Variants in TDRD1 observed in about 807,000 individuals in gnomAD.
The protein encoded by TDRD1 is tudor domain containing 1, also known as tudor domain-containing protein 1.
Under a neutral mutation model 140.6 loss-of-function variants are expected in TDRD1, and 37 were observed. That is an observed-to-expected ratio of 0.26 (90% CI 0.20 to 0.35). The LOEUF (loss-of-function observed/expected upper bound fraction) is 0.35. Among genes scored for constraint, TDRD1 ranks in the 10% least tolerant of loss-of-function variants. TDRD1 has a pLI of 1.00. For synonymous variants in TDRD1, 506 were observed against 475.7 expected, an observed-to-expected ratio of 1.06 and a Z score of -0.83; for missense variants, 1,243 against 1,393.0, an observed-to-expected ratio of 0.89 and a Z score of 1.71.
At chr10:114,203,928 C>A in intron 8 of TDRD1, 145 bp from the exon 9 acceptor site, 1 of 946,268 alleles carries the variant, frequency 1.1e-6, no homozygotes, top group Non-Finnish European at 1.6e-6. Context: ...TAGCAAGATT[C>A]TTAAAAAATT....
At chr10:114,206,417 G>A in intron 11 of TDRD1, 87 bp downstream of exon 11, 1 of 930,962 alleles carries the variant, frequency 1.1e-6, no homozygotes, top group Middle Eastern at 2.2e-4. Context: ...CTTTAGCACT[G>A]TTAAGACTTG....
At chr10:114,176,714 C>T (rs1167894291), upstream of TDRD1, among the ~76,000 whole-genome samples, 2 of 152,138 alleles carry the variant, frequency 1.3e-5, no homozygotes, top group Non-Finnish European at 2.9e-5. This position sits in a 1 kb window ranked among gnomAD's most constrained non-coding sequence, Gnocchi z 4.2. Flanking sequence ...TTCAGGACTG[C>T]AGTGAACTAT....
upstream of TDRD1, among the ~76,000 whole-genome samples, chr10:114,177,498 G>A (rs2032720236): frequency 6.6e-6 from 1 of 152,090 alleles, no homozygotes; most frequent in African/African-American, 2.4e-5. Context: ...CAAAAGTAGG[G>A]CATCCTACAA....
chr10:114,204,723 C>T (rs1363313253), exon 10 of TDRD1: 1 of 1,576,334 alleles, frequency 6.3e-7, no homozygotes, highest in Non-Finnish European at 8.6e-7. Flanking sequence ...ATTTTTCAGG[C>T]CATAAAGTGC....
intron 3 of TDRD1, among the ~76,000 whole-genome samples, chr10:114,198,568 T>C (rs1272274032): frequency 6.6e-6 from 1 of 152,146 alleles, no homozygotes; most frequent in Non-Finnish European, 1.5e-5. Flanking sequence ...GTGTTTGGAG[T>C]AGAGCAGTTA....
At chr10:114,186,206 T>G (rs1409222184) in intron 1 of TDRD1, among the ~76,000 whole-genome samples, 2 of 152,242 alleles carry the variant, frequency 1.3e-5, no homozygotes, top group Non-Finnish European at 2.9e-5. Flanking sequence ...TTCTTTGTAT[T>G]TCTTATACAG....
exon 26 of TDRD1, chr10:114,231,595 G>C: frequency 1.6e-6 from 2 of 1,227,852 alleles, no homozygotes; most frequent in Non-Finnish European, 2.3e-6. Flanking sequence ...CCTTTTCTTT[G>C]TCCACTTTCT....
chr10:114,228,669 A>G (rs1401349069), intron 25 of TDRD1: 2 of 985,456 alleles, frequency 2.0e-6, no homozygotes, highest in Non-Finnish European at 2.4e-6. Flanking sequence ...GTGTCTAAAG[A>G]ACATACTGGT....
rs188251374 is a variant in TDRD1 at position 114,191,171 on chromosome 10, G to A, written c.384+152G>A. The A allele has an allele frequency of 6.4e-4, 512 of 804,808 alleles. 5 individuals carry two copies. The African/African-American group carries it at 7.9e-3, about 12-fold the overall frequency. 49.9% of individuals were successfully genotyped at this position (804,808 alleles called of 1,614,324 possible). On this transcript the variant is annotated intron_variant, in intron 3 of 25. Transcript: ENST00000251864. ...TTTTTAAAAAAAGAAAACTTTCTTAGGTTATTGTAGATTCACATGCAGTTG... is the reference window on the plus strand; with the variant it reads ...TTTTTAAAAAAAGAAAACTTTCTTAAGTTATTGTAGATTCACATGCAGTTG...
intron 16 of TDRD1, 74 bp downstream of exon 16, chr10:114,214,188 A>T: frequency 1.5e-6 from 2 of 1,342,118 alleles, no homozygotes; most frequent in Non-Finnish European, 1.0e-6. Context: ...TGAGTTTGTT[A>T]CTAAGTGATA....
At chr10:114,188,304 G>A in intron 2 of TDRD1, 148 bp downstream of exon 2, 3 of 726,832 alleles carry the variant, frequency 4.1e-6, no homozygotes, top group Non-Finnish European at 6.3e-6. Context: ...TAATTTAGAA[G>A]GAAAAACCAG....
upstream of TDRD1, among the ~76,000 whole-genome samples, chr10:114,177,678 A>G (rs1179731214): frequency 1.3e-5 from 2 of 152,204 alleles, no homozygotes; most frequent in Non-Finnish European, 2.9e-5. Context: ...AAGGAAATCA[A>G]AAAGATGGGC....
At chr10:114,198,996 C>T (rs2034554391) in intron 3 of TDRD1, among the ~76,000 whole-genome samples, 177 bp from the exon 4 acceptor site, 1 of 152,198 alleles carries the variant, frequency 6.6e-6, no homozygotes, top group Admixed American at 6.5e-5. Flanking sequence ...TCCTCCTTTC[C>T]CACTTTGAGT....
At chr10:114,203,730 C>T (rs1177525149) in intron 8 of TDRD1, among the ~76,000 whole-genome samples, 163 bp downstream of exon 8, 1 of 152,190 alleles carries the variant, frequency 6.6e-6, no homozygotes, top group Admixed American at 6.5e-5. Context: ...TTGCTTCCTC[C>T]CTGTCTTACT....
intron 18 of TDRD1, 75 bp from the exon 19 acceptor site, chr10:114,220,493 C>A: frequency 9.8e-7 from 1 of 1,021,868 alleles, no homozygotes; most frequent in Non-Finnish European, 1.5e-6. Flanking sequence ...TGGCAAAGAC[C>A]TGGTGCTGGG....
intron 16 of TDRD1, among the ~76,000 whole-genome samples, chr10:114,216,364 G>C (rs777109881): frequency 2.0e-4 from 30 of 152,088 alleles, no homozygotes; most frequent in Non-Finnish European, 3.7e-4. Flanking sequence ...TTAACATCTA[G>C]TTGCTCCACA....
intron 4 of TDRD1, among the ~76,000 whole-genome samples, chr10:114,201,173 CAT>C (rs1211773337): frequency 6.6e-6 from 1 of 152,052 alleles, no homozygotes; most frequent in Non-Finnish European, 1.5e-5. Flanking sequence ...GCTTTTATAA[CAT>C]ATATTCTGAG....
chr10:114,232,443 T>C (rs2036805825), downstream of TDRD1: 1 of 151,838 alleles, frequency 6.6e-6, no homozygotes. Context: ...TTTTTCATGA[T>C]TTAACTGTCA....
At chr10:114,192,563 C>G (rs570950099) in intron 3 of TDRD1, among the ~76,000 whole-genome samples, 1 of 152,006 alleles carries the variant, frequency 6.6e-6, no homozygotes. Context: ...GCCTCGGCCT[C>G]GCAAAGTGCT....
Sources: allele counts gnomAD v4.1 joint callset (sites outside exome capture counted in the v4.1 genomes callset), GRCh38; gene constraint gnomAD v4.1.1; non-coding constraint Gnocchi (gnomAD v3.1); transcripts MANE v1.5; gene names NCBI Gene and HGNC (gene_info 2026-07-23, HGNC 2026-07-21).